GBP6: variants seen among roughly 807,000 people sequenced by gnomAD.
GBP6 encodes the protein guanylate binding protein family member 6.
Under a neutral mutation model 61.5 loss-of-function variants are expected in GBP6, and 54 were observed. The observed-to-expected ratio is 0.88, with a 90% CI of 0.71 to 1.10. The LOEUF (loss-of-function observed/expected upper bound fraction) is 1.10, where lower values mean the gene tolerates loss of function less well. Among genes scored for constraint, GBP6 ranks in the 50% least tolerant of loss-of-function variants. The pLI is 0.00. For synonymous variants in GBP6, 255 were observed against 273.7 expected (o/e 0.93, Z 0.67); for missense variants, 748 against 752.8 (o/e 0.99, Z 0.07).
intron 4 of GBP6, 26 bp downstream of exon 4, chr1:89,378,238 C>A: frequency 2.5e-6 from 4 of 1,588,726 alleles, no homozygotes; most frequent in Non-Finnish European, 3.4e-6. Flanking sequence ...CAGAACAGAA[C>A]CACCAGGTTT....
chr1:89,365,724 G>A (rs547345479), intron 1 of GBP6, among the ~76,000 whole-genome samples: 3 of 152,152 alleles, frequency 2.0e-5, no homozygotes, highest in South Asian at 2.1e-4. Flanking sequence ...ATAATGTCTC[G>A]TTTTATTATC....
At chr1:89,380,047 AG>A (rs1415508288) in intron 5 of GBP6, among the ~76,000 whole-genome samples, 7 of 152,206 alleles carry the variant, frequency 4.6e-5, no homozygotes, top group African/African-American at 1.7e-4. Context: ...CTAAGGTGGA[AG>A]GATCACTTGA....
intron 1 of GBP6, among the ~76,000 whole-genome samples, chr1:89,364,997 C>A (rs1652429641): frequency 1.3e-5 from 2 of 148,824 alleles, no homozygotes; most frequent in African/African-American, 5.0e-5. Flanking sequence ...CCACCCCCAC[C>A]CCCAGCGCCA....
intron 6 of GBP6, 30 bp downstream of exon 6, chr1:89,380,661 C>T (rs371475454): frequency 1.9e-6 from 3 of 1,603,720 alleles, no homozygotes; most frequent in African/African-American, 2.7e-5. Flanking sequence ...TTCTGTGGGG[C>T]CTCATGTGTG....
At chr1:89,373,846 AATATATAT>A (rs1652720272) in intron 3 of GBP6, among the ~76,000 whole-genome samples, 1 of 151,550 alleles carries the variant, frequency 6.6e-6, no homozygotes, top group Admixed American at 6.6e-5. Context: ...ATATTCAATA[AATATATAT>A]ATGCATGCTA....
rs756170596 is a variant in GBP6 at position 89,382,723 on chromosome 1, A to G, written c.1212A>G (p.Gln404=). The G allele has an allele frequency of 6.2e-7, 1 of 1,613,704 alleles. No individual in the cohort carries two copies. Among genetic ancestry groups the G allele is most frequent in the Non-Finnish European group, 8.5e-7 (1 of 1,179,644 alleles). The stretch of plus-strand genomic sequence containing the variant: ...TGCAGAATGAAGAGTCATCTGTTCA[A>G]TACTGCCAGGCTAAACTCAATGAGC... ...FLLQNEESSV[Q]YCQAKLNELS... is the part of the protein sequence containing the mutation. The change falls in exon 8 of 11, where the codon CAA becomes CAG. Residue 404 remains glutamine, a synonymous_variant. Coordinates refer to ENST00000370456, the MANE Select transcript of GBP6 (RefSeq NM_198460.3).
In GBP6 at chr1:89,385,354, C is replaced by A; in HGVS notation, c.1787C>A (p.Thr596Asn). 6.2e-7 allele frequency: 1 copy of A among 1,614,108 alleles called. No homozygotes were observed. The highest frequency in any genetic ancestry group is 1.6e-4 in the Middle Eastern group (1 of 6,062). Residue 596 changes from threonine to asparagine, a missense_variant, in exon 11 of 11, where the codon ACC (threonine) becomes AAC (asparagine). Thr to Asn is a moderately conservative substitution (Grantham distance 65, BLOSUM62 0). Transcript: ENST00000370456. ...GATGATACTCCCTGGATTGCACGAA[C>A]CTTGGACAACCTTGCCGATGAGCTA... ...KNDDTPWIARTLDNLADELTA... is the reference protein window; with the variant it reads ...KNDDTPWIARNLDNLADELTA...
intron 7 of GBP6, 77 bp downstream of exon 7, chr1:89,382,051 A>T (rs922255234): frequency 2.2e-6 from 3 of 1,364,960 alleles, no homozygotes; most frequent in African/African-American, 2.9e-5. Context: ...TATTGTCACC[A>T]ATGCTCATCT....
At chr1:89,381,087 C>A (rs1415299488) in intron 6 of GBP6, among the ~76,000 whole-genome samples, 1 of 151,860 alleles carries the variant, frequency 6.6e-6, no homozygotes, top group East Asian at 1.9e-4. Flanking sequence ...GAGTTTGAGA[C>A]CAGCCTGAAC....
At position 89,368,576 on chromosome 1, in the gene GBP6, GC is replaced by G; in HGVS notation, c.30del (p.Val11PhefsTer13). 1 of 1,613,950 alleles carries G rather than the reference GC, an allele frequency of 6.2e-7. No homozygotes were observed. The highest frequency in any genetic ancestry group is 1.1e-5 in the South Asian group (1 of 91,060). On this transcript the variant is annotated frameshift_variant, in exon 2 of 11. Transcript: ENST00000370456. LOFTEE classifies it high-confidence loss of function. Reference protein sequence around the residue: MESGPKMLAPVCLVENNNE... With the variant: MESGPKMLXPVCLVENNNE... ...CATGGAATCTGGACCCAAAATGTTG[GC>G]CCCCGTTTGCCTGGTGGAAAATAAC...
intron 7 of GBP6, 111 bp from the exon 8 acceptor site, chr1:89,382,553 G>A: frequency 1.3e-6 from 1 of 788,022 alleles, no homozygotes; most frequent in South Asian, 1.6e-5. Context: ...TACTCCACTA[G>A]AATGTTTTTC....
At chr1:89,371,091 A>T (rs911282711) in intron 3 of GBP6, among the ~76,000 whole-genome samples, 2 of 152,216 alleles carry the variant, frequency 1.3e-5, no homozygotes, top group Non-Finnish European at 2.9e-5. Flanking sequence ...GAGATCATGC[A>T]GTATTTGTCT....
At chr1:89,375,264 A>G (rs115195920) in intron 3 of GBP6, among the ~76,000 whole-genome samples, 2,267 of 152,282 alleles carry the variant, frequency 0.015, 66 homozygotes, top group African/African-American at 0.052. Context: ...TCATATGAAA[A>G]AAAAGCTCGA....
intron 6 of GBP6, among the ~76,000 whole-genome samples, 158 bp from the exon 7 acceptor site, chr1:89,381,534 TAA>T (rs930742309): frequency 6.6e-6 from 1 of 151,920 alleles, no homozygotes; most frequent in African/African-American, 2.4e-5. Flanking sequence ...ATTATGAAAA[TAA>T]GAGTGATAAT....
In GBP6 at chr1:89,385,511, A is replaced by T. The variant is rs1442548959; in HGVS notation, c.*42A>T. 3 of 1,530,696 alleles carry T rather than the reference A, an allele frequency of 2.0e-6. No homozygotes were observed. The highest frequency in any genetic ancestry group is 1.2e-5 in the South Asian group (1 of 80,806). 94.8% of individuals were successfully genotyped at this position (1,530,696 alleles called of 1,614,324 possible). On this transcript the variant is annotated 3_prime_UTR_variant, in exon 11 of 11. Coordinates refer to ENST00000370456, the MANE Select transcript of GBP6 (RefSeq NM_198460.3). ...ACATATATGCTTTGGACTATTTTTGATCTGTATGTTTTTCATTTTCATTCA... is the reference window on the plus strand; with the variant it reads ...ACATATATGCTTTGGACTATTTTTGTTCTGTATGTTTTTCATTTTCATTCA...
intron 10 of GBP6, among the ~76,000 whole-genome samples, chr1:89,384,823 G>T (rs1653089863): frequency 6.6e-6 from 1 of 152,040 alleles, no homozygotes; most frequent in Admixed American, 6.6e-5. Flanking sequence ...AGTGTAGGGA[G>T]AATTCTTGCA....
intron 1 of GBP6, among the ~76,000 whole-genome samples, 185 bp downstream of exon 1, chr1:89,364,312 C>T (rs1043458469): frequency 1.5e-4 from 23 of 152,232 alleles, no homozygotes; most frequent in African/African-American, 5.3e-4. Context: ...CAGCCGGGCA[C>T]GCCGCGTCCC....
chr1:89,379,263 T>A (rs1652892974), intron 5 of GBP6, among the ~76,000 whole-genome samples: 1 of 152,010 alleles, frequency 6.6e-6, no homozygotes, highest in African/African-American at 2.4e-5. Context: ...TGTGAACTCA[T>A]TACCACAAGG....
chr1:89,369,690 T>C lies in GBP6; in HGVS notation c.318+17T>C, dbSNP rs778553437. ...GTGGAAAAGGTAAGACAGAGAGTCA[T>C]AGACAGGTTCCTTTTATTCCAGACG... On this transcript the variant is annotated intron_variant, in intron 3 of 10. Transcript: ENST00000370456. The C allele has an allele frequency of 1.4e-5, 23 of 1,608,418 alleles. No homozygotes were observed. The African/African-American group carries it at 2.4e-4, about 17-fold the overall frequency.
Sources: allele counts gnomAD v4.1 joint callset (sites outside exome capture counted in the v4.1 genomes callset), GRCh38; gene constraint gnomAD v4.1.1; transcripts MANE v1.5; gene names NCBI Gene and HGNC (gene_info 2026-07-23, HGNC 2026-07-21).